FBXL2: variants seen among roughly 807,000 people sequenced by gnomAD.
FBXL2 encodes the protein F-box and leucine rich repeat protein 2, also known as F-box/LRR-repeat protein 2.
A neutral mutation model predicts 69.2 loss-of-function variants in FBXL2; 38 were observed. That is an observed-to-expected ratio of 0.55 (90% CI 0.42 to 0.72). The LOEUF is 0.72. FBXL2 is among the 30% of genes least tolerant of loss of function. The probability of loss-of-function intolerance (pLI) is 0.00; values close to 1 mark genes in which losing one functional copy is unlikely to be tolerated. For missense variants in FBXL2, 354 were observed against 520.3 expected (o/e 0.68, Z 3.11); for synonymous variants, 192 against 201.3 (o/e 0.95, Z 0.39).
chr3:33,345,613 G>C (rs1334646076), intron 2 of FBXL2, among the ~76,000 whole-genome samples: 2 of 151,988 alleles, frequency 1.3e-5, no homozygotes, highest in Non-Finnish European at 2.9e-5. Context: ...TCCTCTTAAG[G>C]TTATATGGAA....
chr3:33,351,523 G>A (rs1469378191), intron 2 of FBXL2, among the ~76,000 whole-genome samples: 1 of 152,056 alleles, frequency 6.6e-6, no homozygotes, highest in Non-Finnish European at 1.5e-5. Context: ...AGAAATCAAT[G>A]AATATCTTAA....
At chr3:33,327,264 A>G (rs1455780375) in intron 2 of FBXL2, among the ~76,000 whole-genome samples, 2 of 152,182 alleles carry the variant, frequency 1.3e-5, no homozygotes, top group East Asian at 1.9e-4. Flanking sequence ...GAATGGCATA[A>G]TCAAGATTCC....
At chr3:33,392,139 C>G (rs934347791), downstream of FBXL2, 1 of 155,698 alleles carries the variant, frequency 6.4e-6, no homozygotes, top group Non-Finnish European at 1.4e-5. Context: ...TCCCCTCAAC[C>G]CAGATCTCCC....
At chr3:33,345,777 CA>C (rs2040386142) in intron 2 of FBXL2, among the ~76,000 whole-genome samples, 1 of 152,158 alleles carries the variant, frequency 6.6e-6, no homozygotes, top group African/African-American at 2.4e-5. Flanking sequence ...TTAAACAACA[CA>C]TTTCTAAATA....
intron 2 of FBXL2, among the ~76,000 whole-genome samples, chr3:33,303,941 T>C (rs965854027): frequency 6.6e-6 from 1 of 151,766 alleles, no homozygotes; most frequent in African/African-American, 2.4e-5. Context: ...AAAAGTTTGA[T>C]AATATTAGGT....
chr3:33,298,551 G>A (rs1466638670), intron 2 of FBXL2, among the ~76,000 whole-genome samples: 2 of 151,926 alleles, frequency 1.3e-5, no homozygotes, highest in Admixed American at 6.6e-5. Context: ...GTGCACGCCT[G>A]TAATCCCAGC....
chr3:33,282,109 G>A (rs1232975269), intron 1 of FBXL2, among the ~76,000 whole-genome samples: 3 of 152,110 alleles, frequency 2.0e-5, no homozygotes, highest in Non-Finnish European at 4.4e-5. Context: ...TTTTAGTCAC[G>A]AAGTCCTTGC....
At chr3:33,348,378 A>G (rs1313954394) in intron 2 of FBXL2, among the ~76,000 whole-genome samples, 2 of 152,020 alleles carry the variant, frequency 1.3e-5, no homozygotes, top group African/African-American at 2.4e-5. Flanking sequence ...GTCTGTTTCT[A>G]TGGCAGTACC....
intron 2 of FBXL2, among the ~76,000 whole-genome samples, chr3:33,347,368 A>G (rs2040520917): frequency 1.3e-5 from 2 of 152,144 alleles, no homozygotes; most frequent in Admixed American, 1.3e-4. Flanking sequence ...ATATGTATGG[A>G]TGAATGTATC....
At chr3:33,413,448 G>A in the FBXL2 span, among the ~76,000 whole-genome samples, 98 of 151,124 alleles carry the variant, frequency 6.5e-4, 1 homozygote, top group African/African-American at 2.3e-3. Flanking sequence ...TTGGGAGGCT[G>A]AGGCAGAAGA....
chr3:33,281,932 G>C (rs970487241), intron 1 of FBXL2, among the ~76,000 whole-genome samples: 3 of 152,154 alleles, frequency 2.0e-5, no homozygotes, highest in African/African-American at 4.8e-5. Context: ...GTTATTTGTA[G>C]ATTCTGGATA....
intron 12 of FBXL2, among the ~76,000 whole-genome samples, chr3:33,395,509 C>T (rs1291193597): frequency 6.6e-6 from 1 of 151,820 alleles, no homozygotes; most frequent in East Asian, 1.9e-4. Flanking sequence ...TATCTCTGTC[C>T]TAATCCAGCA....
At chr3:33,383,410 T>C (rs1474474532) in intron 13 of FBXL2, 1 of 155,112 alleles carries the variant, frequency 6.4e-6, no homozygotes, top group African/African-American at 2.4e-5. Context: ...TTCATCTGAA[T>C]TTATCTTTTG....
rs763970586 is a variant in FBXL2 at position 33,401,060 on chromosome 3, C to T, written n.1215-2174C>T. On this transcript the variant is annotated intron_variant and non_coding_transcript_variant, in intron 12 of 12. Transcript: ENST00000463736. ...GAAGGAAATGATGATTTTTATAATA[C>T]ATATATGTTTTAATCAAGGCATTAA... is the stretch of plus-strand genomic sequence containing the variant. 5 of 1,535,130 alleles carry T rather than the reference C, an allele frequency of 3.3e-6. No homozygotes were observed. The African/African-American group carries it at 5.7e-5, about 17-fold the overall frequency.
chr3:33,356,357 G>A (rs528265425), intron 2 of FBXL2, among the ~76,000 whole-genome samples: 1 of 152,036 alleles, frequency 6.6e-6, no homozygotes, highest in Admixed American at 6.6e-5. Context: ...GGTTTGTTTT[G>A]TTTTGTTTTT....
chr3:33,414,403 G>A, the FBXL2 span, among the ~76,000 whole-genome samples: 1 of 152,026 alleles, frequency 6.6e-6, no homozygotes, highest in Non-Finnish European at 1.5e-5. Context: ...AACATGTGAT[G>A]GGGCCCTAAC....
intron 2 of FBXL2, among the ~76,000 whole-genome samples, chr3:33,339,919 A>G (rs190802775): frequency 2.6e-5 from 4 of 152,364 alleles, no homozygotes; most frequent in Admixed American, 2.0e-4. Flanking sequence ...AAATTGTAGT[A>G]TATTCATTAA....
intron 14 of FBXL2, 57 bp from the exon 15 acceptor site, chr3:33,385,444 C>T (rs79423968): frequency 4.3e-6 from 6 of 1,410,594 alleles, no homozygotes; most frequent in Non-Finnish European, 5.0e-6. Context: ...AGAATTATGA[C>T]TATAATCCTA....
At position 33,383,707 on chromosome 3, in the gene FBXL2, C is replaced by T. The variant is rs2043212269; in HGVS notation, c.952-282C>T. 3.5e-5 allele frequency: 14 copies of T among 399,814 alleles called. No individual in the cohort carries two copies. The South Asian group carries it at 3.7e-4, about 11-fold the overall frequency. The allele number at this position is 399,814 out of a possible 1,614,324, so 24.8% of individuals were successfully genotyped here. On this transcript the variant is annotated intron_variant, in intron 13 of 14. Transcript: ENST00000484457. ...GAGAAGCCACTCCCAGTGTAGCAAA[C>T]CCATAACCAAAGGGCCCCAAGGCTT...
Sources: gnomAD v4.1 joint callset for allele counts (sites outside exome capture counted in the v4.1 genomes callset) on GRCh38, gnomAD v4.1.1 for gene constraint, MANE v1.5 for transcripts, NCBI Gene and HGNC (gene_info 2026-07-23, HGNC 2026-07-21) for gene names.